Variants in MSRA observed in about 807,000 individuals in gnomAD.
MSRA encodes methionine sulfoxide reductase A.
In MSRA, 54 loss-of-function variants were observed where a neutral mutation model predicts 31.3. That is an observed-to-expected ratio of 1.73 (90% CI 1.39 to 2.17). MSRA has a LOEUF of 2.17. Among genes scored for constraint, MSRA ranks in the 30% most tolerant of loss-of-function variants. The pLI is 0.00. For synonymous variants in MSRA, 169 were observed against 116.5 expected, an observed-to-expected ratio of 1.45 and a Z score of -2.90; for missense variants, 507 against 300.9, an observed-to-expected ratio of 1.69 and a Z score of -5.07.
Position 10,374,763 on chromosome 8 carries a change from G to C in MSRA, c.544-53385G>C, listed in dbSNP as rs1007330245. Among the ~76,000 whole-genome samples the C allele has an allele frequency of 2.0e-5, 3 of 152,254 alleles. No individual in the cohort carries two copies. The South Asian group carries it at 6.2e-4, about 32-fold the overall frequency. On this transcript the variant is annotated intron_variant, in intron 5 of 5. Coordinates refer to ENST00000317173, the MANE Select transcript of MSRA (RefSeq NM_012331.5). Reference sequence around the variant, plus strand: ...TTGTTGGATATGGTTTGGATGTTTTGTCCCCTCCAAATCTCATGTTGAAAT... The same window carrying C: ...TTGTTGGATATGGTTTGGATGTTTTCTCCCCTCCAAATCTCATGTTGAAAT...
At chr8:10,321,581 T>C (rs1196435837) in intron 5 of MSRA, among the ~76,000 whole-genome samples, 5 of 152,198 alleles carry the variant, frequency 3.3e-5, no homozygotes. Context: ...TCCTTGAATA[T>C]GGGCTGCATT....
At chr8:10,168,944 T>A (rs529428760) in intron 1 of MSRA, among the ~76,000 whole-genome samples, 16 of 152,100 alleles carry the variant, frequency 1.1e-4, no homozygotes, top group African/African-American at 3.9e-4. Context: ...ACTCATGATA[T>A]AAAGATTGAG....
intron 3 of MSRA, among the ~76,000 whole-genome samples, chr8:10,298,222 A>T (rs1417954300): frequency 6.6e-6 from 1 of 152,224 alleles, no homozygotes; most frequent in Non-Finnish European, 1.5e-5. Flanking sequence ...GGTAGAGGCA[A>T]CCCACATGTT....
At chr8:10,177,589 T>C (rs1441680416) in intron 1 of MSRA, among the ~76,000 whole-genome samples, 1 of 152,228 alleles carries the variant, frequency 6.6e-6, no homozygotes, top group African/African-American at 2.4e-5. Flanking sequence ...ATATCAGAAT[T>C]GACTTAAAAA....
At chr8:10,339,224 T>C (rs2129149038) in intron 5 of MSRA, among the ~76,000 whole-genome samples, 1 of 152,278 alleles carries the variant, frequency 6.6e-6, no homozygotes, top group African/African-American at 2.4e-5. Context: ...GATGTTGGAG[T>C]TGCAGTTTGT....
At chr8:10,328,776 T>C (rs1191007388) in intron 5 of MSRA, among the ~76,000 whole-genome samples, 1 of 152,154 alleles carries the variant, frequency 6.6e-6, no homozygotes, top group South Asian at 2.1e-4. Context: ...TCAAGAACTT[T>C]CCAGAGAACT....
chr8:10,237,520 G>A (rs1480584978), intron 2 of MSRA, among the ~76,000 whole-genome samples: 1 of 152,164 alleles, frequency 6.6e-6, no homozygotes, highest in Non-Finnish European at 1.5e-5. Flanking sequence ...GATATGTTAT[G>A]GAATTTGACA....
chr8:10,378,080 G>C (rs1043129125), intron 5 of MSRA, among the ~76,000 whole-genome samples: 1 of 152,246 alleles, frequency 6.6e-6, no homozygotes, highest in African/African-American at 2.4e-5. Context: ...GACATTGGCA[G>C]AGGAACTCTG....
At chr8:10,128,340 T>A (rs1040656437) in intron 1 of MSRA, among the ~76,000 whole-genome samples, 13 of 151,834 alleles carry the variant, frequency 8.6e-5, no homozygotes, top group South Asian at 2.1e-4. Context: ...GATTGCACCA[T>A]TGCACTCCAG....
rs200313279 is a variant in MSRA at position 10,067,308 on chromosome 8, CAA to C, written c.142+12651_142+12652del. Among the ~76,000 whole-genome samples the C allele has an allele frequency of 4.0e-3, 613 of 152,270 alleles. 6 individuals carry two copies. Among genetic ancestry groups the C allele is most frequent in the African/African-American group, 0.014 (594 of 41,528 alleles). On this transcript the variant is annotated intron_variant, in intron 1 of 5. Coordinates refer to ENST00000317173, the MANE Select transcript of MSRA (RefSeq NM_012331.5). The stretch of plus-strand genomic sequence containing the variant: ...TTTTCGGTTGGCTTCTTTCACTTAA[CAA>C]TATGATTTGAGGAGCCTTCATGTCT...
At chr8:10,350,214 G>C (rs1454620103) in intron 5 of MSRA, among the ~76,000 whole-genome samples, 1 of 152,232 alleles carries the variant, frequency 6.6e-6, no homozygotes, top group Non-Finnish European at 1.5e-5. Context: ...TTCTCACAAA[G>C]ACACCTGCTT....
intron 1 of MSRA, among the ~76,000 whole-genome samples, chr8:10,160,115 A>G (rs1804506273): frequency 6.6e-6 from 1 of 152,176 alleles, no homozygotes; most frequent in Admixed American, 6.5e-5. Context: ...GTCCATTTGA[A>G]ATTTCCCTCG....
chr8:10,411,226 A>G (rs1986971), intron 5 of MSRA: 40,733 of 152,184 alleles, frequency 0.27, 5,728 homozygotes, highest in South Asian at 0.4. Context: ...CAGGCATGCT[A>G]TCACCTGCAG....
rs536068513 is a variant in MSRA, at chr8:10,423,325, A to C, written c.544-4823A>C. On this transcript the variant is annotated intron_variant, in intron 5 of 5. Coordinates refer to ENST00000317173, the MANE Select transcript of MSRA (RefSeq NM_012331.5). ...ATTCGTTAAGGAAAAGTAGATGACC[A>C]CAAGCATTGGTGTGTCAGCCATGAT... Among the ~76,000 whole-genome samples the C allele has an allele frequency of 3.3e-5, 5 of 152,310 alleles. 1 individual carries two copies. In the East Asian group the frequency reaches 9.7e-4, roughly 29 times the overall value.
At chr8:10,077,253 A>G (rs1798038072) in intron 1 of MSRA, among the ~76,000 whole-genome samples, 2 of 152,282 alleles carry the variant, frequency 1.3e-5, no homozygotes, top group South Asian at 2.1e-4. Flanking sequence ...GCCAGGCACC[A>G]TGGCCAGGTG....
At chr8:10,328,942 T>A (rs1802534523) in intron 5 of MSRA, among the ~76,000 whole-genome samples, 1 of 152,190 alleles carries the variant, frequency 6.6e-6, no homozygotes, top group Admixed American at 6.5e-5. Context: ...GCTGTGGACA[T>A]GCTGCCTGGT....
At chr8:10,362,984 T>A (rs1353956687) in intron 5 of MSRA, among the ~76,000 whole-genome samples, 1 of 152,286 alleles carries the variant, frequency 6.6e-6, no homozygotes, top group South Asian at 2.1e-4. Context: ...TGGGGAACAA[T>A]TTTTTTGATT....
chr8:10,167,012 T>G (rs1479365002), intron 1 of MSRA, among the ~76,000 whole-genome samples: 2 of 152,178 alleles, frequency 1.3e-5, no homozygotes, highest in Non-Finnish European at 2.9e-5. Context: ...GAGAAGTCAG[T>G]TTACAAGAGC....
At chr8:10,328,883 T>C (rs1418705665) in intron 5 of MSRA, among the ~76,000 whole-genome samples, 8 of 152,168 alleles carry the variant, frequency 5.3e-5, no homozygotes, top group Admixed American at 5.2e-4. Context: ...TATTTCAAAG[T>C]TGATCCCTTC....
Sources: allele counts gnomAD v4.1 joint callset (sites outside exome capture counted in the v4.1 genomes callset), GRCh38; gene constraint gnomAD v4.1.1; transcripts MANE v1.5; gene names NCBI Gene and HGNC (gene_info 2026-07-23, HGNC 2026-07-21).